Variants in RARB observed in about 807,000 individuals in gnomAD.
RARB encodes the protein retinoic acid receptor beta, also known as HBV-activated protein.
RARB carries 17 observed loss-of-function variants against 51.9 expected under a neutral mutation model. The ratio of observed to expected loss-of-function variants is 0.33; its 90% CI spans 0.22 to 0.49. The LOEUF (loss-of-function observed/expected upper bound fraction) is 0.49, where lower values mean the gene tolerates loss of function less well. Ranked by LOEUF, RARB falls within the 20% of genes least tolerant of loss-of-function variation. The pLI, the probability that RARB is intolerant of heterozygous loss-of-function variation, is 0.99. For synonymous variants in RARB, 215 were observed against 195.4 expected (o/e 1.10, Z -0.84); for missense variants, 369 against 550.8 (o/e 0.67, Z 3.30).
At chr3:25,216,960 G>C (rs1701848686) in intron 5 of RARB, among the ~76,000 whole-genome samples, 1 of 152,042 alleles carries the variant, frequency 6.6e-6, no homozygotes, top group Non-Finnish European at 1.5e-5. Context: ...CAAATTGGTA[G>C]TTGGATCTAG....
intron 2 of RARB, among the ~76,000 whole-genome samples, chr3:25,482,437 C>T (rs1696266014): frequency 2.6e-5 from 4 of 150,982 alleles, no homozygotes; most frequent in Admixed American, 2.6e-4. Context: ...GCATTTAGAA[C>T]CCAGTAGACC....
chr3:25,049,517 G>A lies in RARB; in HGVS notation c.-379-10608G>A, dbSNP rs908244794. On this transcript the variant is annotated intron_variant, in intron 2 of 11. Transcript: ENST00000383772. ...TCATGAAAAGGGTGGGAGACTTACTGGAATAGGCTGTGAGATTCATAAAGG... is the reference window on the plus strand; with the variant it reads ...TCATGAAAAGGGTGGGAGACTTACTAGAATAGGCTGTGAGATTCATAAAGG... 2.6e-5 allele frequency among the ~76,000 whole-genome samples: 4 copies of A among 152,242 alleles called. No individual in the cohort carries two copies. The East Asian group carries it at 5.8e-4, about 22-fold the overall frequency.
intron 5 of RARB, among the ~76,000 whole-genome samples, chr3:25,339,136 AC>A (rs1324966852): frequency 1.3e-5 from 2 of 152,196 alleles, no homozygotes; most frequent in East Asian, 3.8e-4. Context: ...GTTTTGAAAC[AC>A]CCTTAAAGGA....
chr3:25,149,959 T>C (rs974053698), intron 4 of RARB, among the ~76,000 whole-genome samples: 23 of 152,150 alleles, frequency 1.5e-4, no homozygotes, highest in African/African-American at 5.1e-4. Context: ...CCCAGCACTT[T>C]GAGAGGCCGA....
intron 3 of RARB, among the ~76,000 whole-genome samples, chr3:25,526,947 G>C (rs1181428227): frequency 1.3e-5 from 2 of 152,294 alleles, no homozygotes; most frequent in South Asian, 4.1e-4. Flanking sequence ...GCATGCAACT[G>C]GAAGCAGGGT....
At chr3:25,104,694 A>G (rs1336581098) in intron 3 of RARB, among the ~76,000 whole-genome samples, 11 of 152,170 alleles carry the variant, frequency 7.2e-5, no homozygotes, top group Admixed American at 7.2e-4. Context: ...AATATCCCAA[A>G]CTGGAAAATA....
At chr3:25,029,245 T>C (rs1697819511) in intron 2 of RARB, among the ~76,000 whole-genome samples, 1 of 152,192 alleles carries the variant, frequency 6.6e-6, no homozygotes, top group Non-Finnish European at 1.5e-5. Flanking sequence ...GACTAAACCA[T>C]GATTCTTTTG....
chr3:24,880,222 A>G (rs1703131779), intron 2 of RARB, among the ~76,000 whole-genome samples: 1 of 152,058 alleles, frequency 6.6e-6, no homozygotes. Context: ...TCTGTAACAA[A>G]TGAGCACATA....
intron 2 of RARB, among the ~76,000 whole-genome samples, chr3:24,910,312 A>G (rs1223746839): frequency 6.6e-6 from 1 of 152,170 alleles, no homozygotes; most frequent in Non-Finnish European, 1.5e-5. Context: ...TAAATTTTCT[A>G]GTTTTCCCAG....
chr3:24,924,577 A>G (rs950258450), intron 2 of RARB, among the ~76,000 whole-genome samples: 1 of 152,176 alleles, frequency 6.6e-6, no homozygotes. Flanking sequence ...ATCATATTGG[A>G]CAGCATAGCT....
At chr3:25,267,295 ATGG>A (rs1402944666) in intron 5 of RARB, among the ~76,000 whole-genome samples, 2 of 152,214 alleles carry the variant, frequency 1.3e-5, no homozygotes, top group Non-Finnish European at 2.9e-5. Flanking sequence ...TTGTAAGGAA[ATGG>A]TGGGAACACA....
chr3:24,930,762 A>G (rs368827335), intron 2 of RARB, among the ~76,000 whole-genome samples: 4 of 152,060 alleles, frequency 2.6e-5, no homozygotes, highest in South Asian at 4.1e-4. Context: ...TAATCCCAGC[A>G]TTTTGGAAGG....
At chr3:24,925,040 C>T (rs151037159) in intron 2 of RARB, among the ~76,000 whole-genome samples, 174 of 152,180 alleles carry the variant, frequency 1.1e-3, no homozygotes, top group African/African-American at 4.0e-3. Context: ...TTCTTTGGCA[C>T]AAATGAGCAC....
chr3:24,919,814 C>T (rs1219530410), intron 2 of RARB, among the ~76,000 whole-genome samples: 1 of 152,212 alleles, frequency 6.6e-6, no homozygotes. Flanking sequence ...AGTGCTGTCT[C>T]TAGCAGTTTC....
chr3:24,945,848 G>A (rs773554243), intron 2 of RARB, among the ~76,000 whole-genome samples: 8 of 152,174 alleles, frequency 5.3e-5, no homozygotes, highest in Non-Finnish European at 1.2e-4. Context: ...TGAACAACAA[G>A]GCCAATGCAT....
intron 3 of RARB, among the ~76,000 whole-genome samples, chr3:25,504,719 A>T (rs1250428043): frequency 6.6e-6 from 1 of 151,938 alleles, no homozygotes; most frequent in African/African-American, 2.4e-5. Context: ...TCATTATAGT[A>T]ATAGCTAACT....
intron 2 of RARB, among the ~76,000 whole-genome samples, chr3:24,860,426 A>G (rs764450857): frequency 1.2e-4 from 19 of 152,266 alleles, no homozygotes; most frequent in Non-Finnish European, 2.1e-4. Flanking sequence ...CATTTGGCAG[A>G]AGGTTTCTTT....
chr3:25,507,560 C>T (rs1263450875), intron 3 of RARB, among the ~76,000 whole-genome samples: 2 of 152,178 alleles, frequency 1.3e-5, no homozygotes, highest in East Asian at 1.9e-4. Flanking sequence ...CCCCAGAAGA[C>T]ATTAGATCTT....
intron 2 of RARB, among the ~76,000 whole-genome samples, chr3:24,989,774 C>CTTTTTTTTTTTTTTTTTTTTTTTTTTTT (rs769275874): frequency 3.4e-5 from 1 of 29,528 alleles, no homozygotes; most frequent in African/African-American, 1.3e-4. Context: ...ATATGTTTTT[C>CTTTTTTTTTTTTTTTTTTTTTTTTTTTT]TTTTTTTTTT....
Sources: gnomAD v4.1 joint callset for allele counts (sites outside exome capture counted in the v4.1 genomes callset) on GRCh38, gnomAD v4.1.1 for gene constraint, MANE v1.5 for transcripts, NCBI Gene and HGNC (gene_info 2026-07-23, HGNC 2026-07-21) for gene names.